ANK2: variants seen among roughly 807,000 people sequenced by gnomAD.
ANK2 encodes ankyrin 2, also known as ankyrin-2.
In ANK2, 83 loss-of-function variants were observed where a neutral mutation model predicts 360.5. The observed-to-expected ratio is 0.23, with a 90% CI of 0.19 to 0.28. The LOEUF (loss-of-function observed/expected upper bound fraction) is 0.28, where lower values mean the gene tolerates loss of function less well. Ranked by LOEUF, ANK2 falls within the 10% of genes least tolerant of loss-of-function variation. The pLI is 1.00. For synonymous variants in ANK2, 1,740 were observed against 1,759.5 expected (o/e 0.99, Z 0.28); for missense variants, 4,201 against 4,795.7 (o/e 0.88, Z 3.66).
At chr4:113,325,809 C>CACTTT (rs2089487129) in intron 26 of ANK2, among the ~76,000 whole-genome samples, 1 of 152,140 alleles carries the variant, frequency 6.6e-6, no homozygotes, top group African/African-American at 2.4e-5. Context: ...GCTTTACCCA[C>CACTTT]ACAAGATTTC....
chr4:113,008,971 G>A (rs2053844791), intron 2 of ANK2, among the ~76,000 whole-genome samples: 2 of 152,124 alleles, frequency 1.3e-5, no homozygotes, highest in African/African-American at 4.8e-5. Context: ...CACTCGTGGG[G>A]CCTCAGAGAA....
chr4:112,756,831 T>G, the ANK2 span, among the ~76,000 whole-genome samples: 6 of 151,986 alleles, frequency 3.9e-5, no homozygotes, highest in Admixed American at 2.0e-4. Context: ...AAATTAGCCC[T>G]ACATGGTGGT....
chr4:112,719,208 G>C, the ANK2 span, among the ~76,000 whole-genome samples: 1 of 152,118 alleles, frequency 6.6e-6, no homozygotes, highest in Non-Finnish European at 1.5e-5. Context: ...ATGCAGTCAA[G>C]GAAATGGTAG....
At chr4:112,853,904 A>C (rs1233204501) in intron 1 of ANK2, among the ~76,000 whole-genome samples, 1 of 152,236 alleles carries the variant, frequency 6.6e-6, no homozygotes, top group Non-Finnish European at 1.5e-5. Flanking sequence ...AGTGTCATTC[A>C]TTCAATCAAT....
At chr4:112,828,496 G>T (rs1370136362) in intron 1 of ANK2, among the ~76,000 whole-genome samples, 1 of 152,208 alleles carries the variant, frequency 6.6e-6, no homozygotes, top group Non-Finnish European at 1.5e-5. Flanking sequence ...GACTCCCAAA[G>T]TGTTGGGATT....
intron 1 of ANK2, among the ~76,000 whole-genome samples, chr4:112,864,581 A>T (rs2069505076): frequency 6.6e-6 from 1 of 151,866 alleles, no homozygotes; most frequent in African/African-American, 2.4e-5. Context: ...AAGTGCTGGG[A>T]TTACAGGCGT....
At chr4:113,128,588 A>G (rs1187050642) in intron 1 of ANK2, among the ~76,000 whole-genome samples, 4 of 152,014 alleles carry the variant, frequency 2.6e-5, no homozygotes, top group Non-Finnish European at 5.9e-5. Context: ...CTCCTGGGTT[A>G]AAGCGATTCT....
At chr4:113,304,294 T>G (rs1178140029) in intron 23 of ANK2, among the ~76,000 whole-genome samples, 1 of 152,156 alleles carries the variant, frequency 6.6e-6, no homozygotes. Context: ...TTAGAGGATA[T>G]TTTTGGAGTG....
the ANK2 span, among the ~76,000 whole-genome samples, chr4:112,786,523 A>C: frequency 6.6e-6 from 1 of 151,006 alleles, no homozygotes; most frequent in Non-Finnish European, 1.5e-5. Flanking sequence ...CAGCCTCCCA[A>C]GTAGCTGGGA....
At chr4:113,042,551 G>T (rs946047485) in intron 2 of ANK2, among the ~76,000 whole-genome samples, 1 of 152,112 alleles carries the variant, frequency 6.6e-6, no homozygotes, top group African/African-American at 2.4e-5. Flanking sequence ...TGTAAATTTT[G>T]CAGGGACACA....
chr4:113,061,031 TTGTTAAAGAA>T (rs2154334278), intron 1 of ANK2, among the ~76,000 whole-genome samples: 1 of 152,244 alleles, frequency 6.6e-6, no homozygotes, highest in East Asian at 1.9e-4. Context: ...CTCTTTCCAG[TTGTTAAAGAA>T]CCAGTAGGAC....
chr4:112,863,655 C>T (rs35242524), intron 1 of ANK2, among the ~76,000 whole-genome samples: 34,716 of 151,006 alleles, frequency 0.23, 4,152 homozygotes, highest in Non-Finnish European at 0.24. Flanking sequence ...CCCTAGTAGC[C>T]GGGACTGCAG....
At chr4:112,793,259 CTATG>C in the ANK2 span, among the ~76,000 whole-genome samples, 2 of 151,834 alleles carry the variant, frequency 1.3e-5, no homozygotes. Flanking sequence ...CTACATGCAC[CTATG>C]TATGTAACAG....
At chr4:112,950,854 G>A (rs1378680129) in intron 2 of ANK2, among the ~76,000 whole-genome samples, 1 of 150,488 alleles carries the variant, frequency 6.6e-6, no homozygotes, top group Non-Finnish European at 1.5e-5. Flanking sequence ...AGGCCGAAGC[G>A]GGCGGATCAC....
chr4:112,733,206 A>G, the ANK2 span, among the ~76,000 whole-genome samples: 2 of 152,120 alleles, frequency 1.3e-5, no homozygotes, highest in Non-Finnish European at 2.9e-5. Context: ...ACAAAACAAG[A>G]CGCTGCCTCA....
chr4:113,258,393 T>C lies in ANK2; in HGVS notation c.1368T>C (p.Ser456=). The C allele has an allele frequency of 6.2e-7, 1 of 1,613,980 alleles. No individual in the cohort carries two copies. The highest frequency in any genetic ancestry group is 8.5e-7 in the Non-Finnish European group (1 of 1,179,860). The change falls in exon 13 of 46, where the codon TCT becomes TCC. Residue 456 remains serine, a synonymous_variant. Coordinates refer to ENST00000357077, the MANE Select transcript of ANK2 (RefSeq NM_001148.6). ...IVLLLLQNGA[S]PDVTNIRGET... ...TCCTTCTGCTGCAGAACGGAGCCTCTCCAGATGTCACTAACATTGTGAGTA... is the reference window on the plus strand; with the variant it reads ...TCCTTCTGCTGCAGAACGGAGCCTCCCCAGATGTCACTAACATTGTGAGTA...
At chr4:113,258,504 T>A in intron 13 of ANK2, 93 bp downstream of exon 13, 2 of 1,245,150 alleles carry the variant, frequency 1.6e-6, no homozygotes, top group Non-Finnish European at 2.4e-6. Context: ...GTGTATGTCA[T>A]CGAAGTAAGC....
intron 5 of ANK2, among the ~76,000 whole-genome samples, chr4:113,232,591 C>T (rs974759844): frequency 1.3e-5 from 2 of 152,062 alleles, no homozygotes; most frequent in East Asian, 1.9e-4. Flanking sequence ...AATACTTTAT[C>T]TTTGTTAGGA....
At chr4:112,708,684 G>A in the ANK2 span, among the ~76,000 whole-genome samples, 2 of 152,058 alleles carry the variant, frequency 1.3e-5, no homozygotes, top group African/African-American at 4.8e-5. Context: ...TTTAAAATTT[G>A]AATTACTTAT....
Sources: gnomAD v4.1 joint callset for allele counts (sites outside exome capture counted in the v4.1 genomes callset) on GRCh38, gnomAD v4.1.1 for gene constraint, MANE v1.5 for transcripts, NCBI Gene and HGNC (gene_info 2026-07-23, HGNC 2026-07-21) for gene names.